Variants in PTPRM observed in about 807,000 individuals in gnomAD.
PTPRM encodes the protein protein tyrosine phosphatase receptor type M.
A neutral mutation model predicts 186.7 loss-of-function variants in PTPRM; 47 were observed. That is an observed-to-expected ratio of 0.25 (90% CI 0.20 to 0.32). The LOEUF is 0.32. PTPRM is among the 10% of genes least tolerant of loss of function. PTPRM has a pLI of 1.00. For missense variants in PTPRM, 1,494 were observed against 1,865.0 expected (o/e 0.80, Z 3.66); for synonymous variants, 668 against 674.9 (o/e 0.99, Z 0.16).
At chr18:8,137,537 C>A (rs1390872361) in intron 13 of PTPRM, among the ~76,000 whole-genome samples, 1 of 152,206 alleles carries the variant, frequency 6.6e-6, no homozygotes, top group Non-Finnish European at 1.5e-5. Context: ...CTTCAGTGAG[C>A]CTGCGTATTG....
intron 1 of PTPRM, among the ~76,000 whole-genome samples, chr18:7,641,177 C>A (rs574641970): frequency 6.6e-6 from 1 of 152,264 alleles, no homozygotes; most frequent in South Asian, 2.1e-4. Context: ...CCCACACATT[C>A]CAGTCAACCT....
At chr18:7,769,751 G>A (rs1403861326) in intron 1 of PTPRM, among the ~76,000 whole-genome samples, 3 of 152,016 alleles carry the variant, frequency 2.0e-5, no homozygotes, top group African/African-American at 4.8e-5. Context: ...CAATTACCTG[G>A]GTATTTGCCA....
chr18:7,658,377 C>T (rs192032091), intron 1 of PTPRM, among the ~76,000 whole-genome samples: 20 of 144,892 alleles, frequency 1.4e-4, no homozygotes, highest in Non-Finnish European at 2.1e-4. Context: ...CACACACACA[C>T]GCTATAAAAA....
At chr18:8,151,628 G>A (rs1344363606) in intron 14 of PTPRM, among the ~76,000 whole-genome samples, 1 of 148,492 alleles carries the variant, frequency 6.7e-6, no homozygotes, top group Non-Finnish European at 1.5e-5. Context: ...CCTGGTTTCA[G>A]CACCCCTTTC....
chr18:7,650,195 C>T (rs898469485), intron 1 of PTPRM, among the ~76,000 whole-genome samples: 4 of 151,994 alleles, frequency 2.6e-5, no homozygotes, highest in African/African-American at 4.8e-5. Context: ...CTTCGGCATT[C>T]GTAGGTTTTC....
At chr18:7,671,583 C>T (rs1046866779) in intron 1 of PTPRM, among the ~76,000 whole-genome samples, 2 of 152,154 alleles carry the variant, frequency 1.3e-5, no homozygotes, top group African/African-American at 4.8e-5. Flanking sequence ...GAGAATGTCA[C>T]ATGAGCTGTA....
chr18:8,005,068 GTATAGCTAAGT>G (rs1272539140), intron 7 of PTPRM, among the ~76,000 whole-genome samples: 1 of 152,166 alleles, frequency 6.6e-6, no homozygotes, highest in African/African-American at 2.4e-5. Flanking sequence ...TGTGCAGCTT[GTATAGCTAAGT>G]GTTAAATTTA....
At chr18:7,658,335 TA>T in intron 1 of PTPRM, among the ~76,000 whole-genome samples, 1 of 91,864 alleles carries the variant, frequency 1.1e-5, no homozygotes, top group African/African-American at 6.7e-5. Flanking sequence ...TAAATTTATA[TA>T]TATATATATA....
chr18:7,805,973 G>A (rs2044213940), intron 2 of PTPRM, among the ~76,000 whole-genome samples: 1 of 152,168 alleles, frequency 6.6e-6, no homozygotes, highest in African/African-American at 2.4e-5. Context: ...TGAAGAGGGA[G>A]GCCACAGCAT....
At chr18:7,990,249 C>A (rs2083192323) in intron 7 of PTPRM, among the ~76,000 whole-genome samples, 1 of 152,150 alleles carries the variant, frequency 6.6e-6, no homozygotes, top group South Asian at 2.1e-4. Context: ...TCTATCCTAA[C>A]ACTAACTGTC....
At chr18:8,273,866 A>G (rs765319537) in intron 19 of PTPRM, among the ~76,000 whole-genome samples, 11 of 152,220 alleles carry the variant, frequency 7.2e-5, no homozygotes, top group Non-Finnish European at 1.0e-4. Context: ...CAAAAGCCCC[A>G]TATGGTTTGC....
chr18:7,859,258 CAGT>C (rs1427206377), intron 2 of PTPRM, among the ~76,000 whole-genome samples: 1 of 152,112 alleles, frequency 6.6e-6, no homozygotes, highest in Non-Finnish European at 1.5e-5. Flanking sequence ...GTGCTGGACC[CAGT>C]TTATTCATCT....
At chr18:7,811,731 G>T (rs1039060584) in intron 2 of PTPRM, among the ~76,000 whole-genome samples, 1 of 152,088 alleles carries the variant, frequency 6.6e-6, no homozygotes, top group Non-Finnish European at 1.5e-5. Flanking sequence ...ATTCCTGAGA[G>T]TGACACATGG....
chr18:7,585,773 C>T (rs979287893), intron 1 of PTPRM, among the ~76,000 whole-genome samples: 15 of 152,150 alleles, frequency 9.9e-5, no homozygotes, highest in Admixed American at 4.6e-4. Flanking sequence ...CGCTTGTCAT[C>T]GTATTTCTCC....
chr18:7,688,172 C>T (rs57918694), intron 1 of PTPRM, among the ~76,000 whole-genome samples: 4,167 of 152,194 alleles, frequency 0.027, 167 homozygotes, highest in African/African-American at 0.095. Flanking sequence ...CACGTATCTG[C>T]TAGTGTAAGC....
chr18:8,293,898 A>G (rs953778719), intron 19 of PTPRM, among the ~76,000 whole-genome samples: 1 of 152,056 alleles, frequency 6.6e-6, no homozygotes, highest in Non-Finnish European at 1.5e-5. Flanking sequence ...TTTTATTTGT[A>G]TTTGCCCTGT....
chr18:7,917,397 G>C (rs1251515135), intron 4 of PTPRM, among the ~76,000 whole-genome samples: 1 of 152,214 alleles, frequency 6.6e-6, no homozygotes, highest in Admixed American at 6.5e-5. Context: ...TTAGCCAGGC[G>C]TGGTGGCAGG....
At chr18:8,342,966 C>T (rs2095483673) in intron 22 of PTPRM, among the ~76,000 whole-genome samples, 1 of 152,064 alleles carries the variant, frequency 6.6e-6, no homozygotes, top group African/African-American at 2.4e-5. Context: ...TGACAGATAG[C>T]ACAGAATAAG....
intron 14 of PTPRM, among the ~76,000 whole-genome samples, chr18:8,209,129 T>C (rs1211805721): frequency 6.6e-6 from 1 of 152,192 alleles, no homozygotes; most frequent in African/African-American, 2.4e-5. Flanking sequence ...GGCGTGACAT[T>C]GTCTGCTTTC....
Sources: gnomAD v4.1 joint callset for allele counts (sites outside exome capture counted in the v4.1 genomes callset) on GRCh38, gnomAD v4.1.1 for gene constraint, MANE v1.5 for transcripts, NCBI Gene and HGNC (gene_info 2026-07-23, HGNC 2026-07-21) for gene names.